The following DENND1A variants were observed in gnomAD, a reference collection of about 807,000 sequenced individuals.
DENND1A encodes DENN domain containing 1A.
A neutral mutation model predicts 113.7 loss-of-function variants in DENND1A; 51 were observed. The observed-to-expected ratio is 0.45, with a 90% CI of 0.36 to 0.57. The LOEUF is 0.57. DENND1A is among the 20% of genes least tolerant of loss of function. The probability of loss-of-function intolerance (pLI) is 0.00; values close to 1 mark genes in which losing one functional copy is unlikely to be tolerated. For missense variants in DENND1A, 1,258 were observed against 1,395.9 expected, an observed-to-expected ratio of 0.90 and a Z score of 1.57; for synonymous variants, 565 against 570.8, an observed-to-expected ratio of 0.99 and a Z score of 0.14.
chr9:123,814,670 C>T (rs1369156199), intron 2 of DENND1A, among the ~76,000 whole-genome samples: 1 of 151,978 alleles, frequency 6.6e-6, no homozygotes, highest in Non-Finnish European at 1.5e-5. Flanking sequence ...TCAAAGAGAC[C>T]TTGGAACAAA....
chr9:123,926,616 G>A (rs1471783211), intron 1 of DENND1A, among the ~76,000 whole-genome samples: 3 of 147,504 alleles, frequency 2.0e-5, no homozygotes, highest in Admixed American at 6.8e-5. Flanking sequence ...AAAGGCCTGC[G>A]TAAACCATAT....
At chr9:123,393,027 T>C (rs956516954) in intron 21 of DENND1A, among the ~76,000 whole-genome samples, 1 of 152,254 alleles carries the variant, frequency 6.6e-6, no homozygotes, top group African/African-American at 2.4e-5. Flanking sequence ...TATTCCATCA[T>C]AGATATACCA....
chr9:123,873,638 C>T (rs934385120), intron 2 of DENND1A, among the ~76,000 whole-genome samples: 1 of 152,032 alleles, frequency 6.6e-6, no homozygotes, highest in African/African-American at 2.4e-5. Context: ...TAAAAATCAC[C>T]GATGAGGAAT....
In DENND1A at chr9:123,536,998, T is replaced by C. The variant is rs149431739; in HGVS notation, c.993+20572A>G. On this transcript the variant is annotated intron_variant, in intron 13 of 23. Transcript: ENST00000394215. ...GAGATCAAATCCCACATAAGGTTAT[T>C]ATAAGAAAAATAAAAAGAGACAGAA... is the stretch of plus-strand genomic sequence containing the variant. Among the ~76,000 whole-genome samples, 22 of 152,202 alleles carry C rather than the reference T, an allele frequency of 1.4e-4. No homozygotes were observed. In the East Asian group the frequency reaches 4.2e-3, roughly 29 times the overall value.
At chr9:123,713,003 A>G (rs2066734084) in intron 5 of DENND1A, among the ~76,000 whole-genome samples, 8 of 152,226 alleles carry the variant, frequency 5.3e-5, no homozygotes, top group Admixed American at 5.2e-4. Context: ...AAAACACTCT[A>G]AATGATGGAA....
At chr9:123,674,342 T>TCTCACACACA (rs36033303) in intron 6 of DENND1A, among the ~76,000 whole-genome samples, 54 of 132,368 alleles carry the variant, frequency 4.1e-4, no homozygotes, top group Admixed American at 2.9e-3. Context: ...TGTCTCTCTC[T>TCTCACACACA]CACACACACA....
chr9:123,896,879 G>A (rs1229130848), intron 1 of DENND1A, among the ~76,000 whole-genome samples: 1 of 152,108 alleles, frequency 6.6e-6, no homozygotes, highest in Non-Finnish European at 1.5e-5. Context: ...AAAACATTAA[G>A]ACAAATCAAT....
intron 7 of DENND1A, among the ~76,000 whole-genome samples, chr9:123,668,540 T>C (rs2139893338): frequency 6.6e-6 from 1 of 152,202 alleles, no homozygotes; most frequent in East Asian, 1.9e-4. Context: ...AGAGGTCAAG[T>C]AGTCAGTCAA....
At chr9:123,652,411 C>T (rs1193887018) in intron 8 of DENND1A, 8 of 280,942 alleles carry the variant, frequency 2.8e-5, no homozygotes, top group Middle Eastern at 1.1e-3. Context: ...GTGAGCAGAA[C>T]AGGAATTCTA....
intron 2 of DENND1A, among the ~76,000 whole-genome samples, chr9:123,877,455 C>G (rs1334777685): frequency 6.6e-6 from 1 of 151,890 alleles, no homozygotes; most frequent in Non-Finnish European, 1.5e-5. Context: ...TGCCATTGCA[C>G]TCCAGCCTGG....
At chr9:123,845,360 A>G (rs1842437783) in intron 2 of DENND1A, among the ~76,000 whole-genome samples, 1 of 152,146 alleles carries the variant, frequency 6.6e-6, no homozygotes, top group African/African-American at 2.4e-5. Flanking sequence ...GCATATATAA[A>G]AATCAACTTG....
chr9:123,786,600 T>C (rs1832219087), intron 3 of DENND1A, among the ~76,000 whole-genome samples: 1 of 152,148 alleles, frequency 6.6e-6, no homozygotes, highest in South Asian at 2.1e-4. Context: ...TCTCAATTAA[T>C]ATACAAAATC....
intron 19 of DENND1A, among the ~76,000 whole-genome samples, chr9:123,418,218 C>T (rs2044908737): frequency 1.3e-5 from 2 of 152,198 alleles, no homozygotes; most frequent in African/African-American, 4.8e-5. Flanking sequence ...AACCCACCGG[C>T]CCTGGCCACA....
At position 123,929,950 on chromosome 9, in the gene DENND1A, G is replaced by A; in HGVS notation, c.-45C>T. 3.3e-6 allele frequency: 1 copy of A among 306,524 alleles called. No homozygotes were observed. Among genetic ancestry groups the A allele is most frequent in the South Asian group, 8.5e-5 (1 of 11,712 alleles). The allele number at this position is 306,524 out of a possible 1,614,324, so 19.0% of individuals were successfully genotyped here. On this transcript the variant is annotated 5_prime_UTR_variant, in exon 1 of 24. Transcript: ENST00000394215. ...GGGCCCGCGGGCCCCGCTCGGCGCTGCGCTGCCCGCCCGCCCGCGGCCGAC... is the reference window on the plus strand; with the variant it reads ...GGGCCCGCGGGCCCCGCTCGGCGCTACGCTGCCCGCCCGCCCGCGGCCGAC...
intron 2 of DENND1A, among the ~76,000 whole-genome samples, chr9:123,845,220 C>CA (rs1842414010): frequency 1.4e-5 from 2 of 147,928 alleles, no homozygotes; most frequent in East Asian, 2.0e-4. Flanking sequence ...GCTGTGTCTC[C>CA]AAAAAACAAA....
chr9:123,674,342 T>TCTCACA (rs36033303), intron 6 of DENND1A, among the ~76,000 whole-genome samples: 381 of 132,352 alleles, frequency 2.9e-3, no homozygotes, highest in Middle Eastern at 7.7e-3. Flanking sequence ...TGTCTCTCTC[T>TCTCACA]CACACACACA....
At chr9:123,820,814 A>C (rs1347255862) in intron 2 of DENND1A, among the ~76,000 whole-genome samples, 1 of 152,146 alleles carries the variant, frequency 6.6e-6, no homozygotes, top group Non-Finnish European at 1.5e-5. Context: ...CACAAAATTG[A>C]TTTTCTTGTG....
chr9:123,929,809 C>T (rs1036156098), intron 1 of DENND1A, 80 bp downstream of exon 1: 67 of 179,488 alleles, frequency 3.7e-4, no homozygotes, highest in African/African-American at 1.4e-3. Context: ...AAGTCCCCCG[C>T]GCGGCCCGCG....
chr9:123,843,354 G>A, intron 2 of DENND1A: 2 of 341,692 alleles, frequency 5.9e-6, no homozygotes, highest in South Asian at 5.1e-5. Context: ...AAAAGAGTTG[G>A]TGTTGGAAAC....
Sources: gnomAD v4.1 joint callset for allele counts (sites outside exome capture counted in the v4.1 genomes callset) on GRCh38, gnomAD v4.1.1 for gene constraint, MANE v1.5 for transcripts, NCBI Gene and HGNC (gene_info 2026-07-23, HGNC 2026-07-21) for gene names.